Variants in OCM observed in about 807,000 individuals in gnomAD.
OCM encodes the protein oncomodulin-1.
A neutral mutation model predicts 14.1 loss-of-function variants in OCM; 18 were observed. That is an observed-to-expected ratio of 1.28 (90% CI 0.88 to 1.89). The LOEUF is 1.89. Ranked by LOEUF, OCM falls within the 40% of genes most tolerant of loss-of-function variation. The pLI is 0.00. For synonymous variants in OCM, 48 were observed against 51.0 expected (o/e 0.94, Z 0.25); for missense variants, 140 against 137.6 (o/e 1.02, Z -0.09).
intron 3 of OCM, 61 bp from the exon 4 acceptor site, chr7:5,886,003 G>C (rs370786923): frequency 1.2e-6 from 2 of 1,611,988 alleles, no homozygotes; most frequent in South Asian, 2.2e-5. Context: ...CATTGGCCAC[G>C]GCACGTCTGT....
At chr7:5,863,281 T>C in the OCM span, among the ~76,000 whole-genome samples, 3 of 152,096 alleles carry the variant, frequency 2.0e-5, no homozygotes, top group African/African-American at 7.2e-5. Flanking sequence ...TCACAGATGC[T>C]CCTGTGGCTG....
In OCM at chr7:5,883,913, G is replaced by A. The variant is rs527611462; in HGVS notation, c.218G>A (p.Ser73Asn). 1 of 1,612,780 alleles carries A rather than the reference G, an allele frequency of 6.2e-7. No homozygotes were observed. The highest frequency in any genetic ancestry group is 1.3e-5 in the African/African-American group (1 of 74,992). Residue 73 changes from serine (S) to asparagine (N), a missense_variant, in exon 3 of 4, where the codon AGT becomes AAT. Ser to Asn is a conservative substitution (Grantham distance 46). Transcript: ENST00000242104. ...ELKFFLQKFE[S>N]GARELTESET... ...AGGTTTTTCCTCCAGAAGTTTGAGA[G>A]TGGTGCCAGAGAACTGACCGAGTCA...
At chr7:5,860,584 A>G in the OCM span, among the ~76,000 whole-genome samples, 1 of 76,506 alleles carries the variant, frequency 1.3e-5, no homozygotes, top group African/African-American at 5.9e-5. Context: ...TATATTACGT[A>G]TATATACGTG....
the OCM span, among the ~76,000 whole-genome samples, chr7:5,871,180 C>A: frequency 2.2e-3 from 334 of 151,612 alleles, 1 homozygote; most frequent in African/African-American, 6.1e-3. Flanking sequence ...GAGCCCCCCC[C>A]CCGTCTCTAC....
At chr7:5,868,048 T>C in the OCM span, among the ~76,000 whole-genome samples, 2 of 151,862 alleles carry the variant, frequency 1.3e-5, no homozygotes, top group Non-Finnish European at 2.9e-5. Flanking sequence ...TCTTTTCCAT[T>C]GCTATGTTTT....
chr7:5,881,414 G>A (rs1417841580), intron 1 of OCM, among the ~76,000 whole-genome samples: 1 of 151,628 alleles, frequency 6.6e-6, no homozygotes, highest in Non-Finnish European at 1.5e-5. Context: ...TTGAGCCCAG[G>A]AGTTTGAGAC....
rs60321561 is a variant in OCM at position 5,882,085 on chromosome 7, CAAAAAAAAAAAAAAAA to C, written c.62-389_62-374del. Reference sequence around the variant, plus strand: ...CTGGTGACAGAGTGAGACTCTGTCTCAAAAAAAAAAAAAAAAAAAAAAAAAAAAAAAAAAGCGCCAA... The same window carrying C: ...CTGGTGACAGAGTGAGACTCTGTCTCAAAAAAAAAAAAAAAAAAGCGCCAA... On this transcript the variant is annotated intron_variant, in intron 1 of 3. Transcript: ENST00000242104. Among the ~76,000 whole-genome samples, 4 of 45,970 alleles carry C rather than the reference CAAAAAAAAAAAAAAAA, an allele frequency of 8.7e-5. No homozygotes were observed. The East Asian group carries it at 4.0e-3, about 46-fold the overall frequency. The allele number at this position is 45,970 out of a possible 152,430, so 30.2% of individuals were successfully genotyped here. A position where few individuals can be genotyped will look rare whatever the true frequency, so the allele number is the denominator to read the frequency against.
upstream of OCM, among the ~76,000 whole-genome samples, chr7:5,876,276 T>C (rs1781094324): frequency 6.6e-6 from 1 of 152,168 alleles, no homozygotes; most frequent in African/African-American, 2.4e-5. Context: ...AGTGCTGGGA[T>C]TACAGGCGTG....
chr7:5,879,553 C>T (rs1458460704), upstream of OCM, among the ~76,000 whole-genome samples: 2 of 152,148 alleles, frequency 1.3e-5, no homozygotes, highest in Non-Finnish European at 2.9e-5. Flanking sequence ...GCCTTTTCAG[C>T]TTACAGAGCA....
At chr7:5,860,555 GTATA>G in the OCM span, among the ~76,000 whole-genome samples, 7 of 98,410 alleles carry the variant, frequency 7.1e-5, 1 homozygote, top group Non-Finnish European at 1.4e-4. Flanking sequence ...ATATATACGT[GTATA>G]TATACGTGTG....
At chr7:5,868,263 C>T in the OCM span, among the ~76,000 whole-genome samples, 1 of 152,110 alleles carries the variant, frequency 6.6e-6, no homozygotes, top group Admixed American at 6.5e-5. Context: ...TCTCCTGCCT[C>T]AACCTCCTGA....
the OCM span, among the ~76,000 whole-genome samples, chr7:5,870,980 G>A: frequency 3.3e-5 from 5 of 151,716 alleles, no homozygotes; most frequent in African/African-American, 7.3e-5. Flanking sequence ...TCCACCTTCC[G>A]GGTTCAAGTG....
At chr7:5,880,721 T>C (rs189329515), upstream of OCM, 708 of 598,662 alleles carry the variant, frequency 1.2e-3, 12 homozygotes, top group East Asian at 0.02. Flanking sequence ...ATCACGCTCT[T>C]GCACTCCAGC....
chr7:5,878,167 G>T (rs1022368364), upstream of OCM, among the ~76,000 whole-genome samples: 2 of 151,232 alleles, frequency 1.3e-5, no homozygotes, highest in African/African-American at 2.4e-5. Context: ...TTTTCACCAC[G>T]TTGGTCAGGC....
rs149675481 is a variant in OCM at position 5,882,928 on chromosome 7, C to T, written c.194+303C>T. 3.6e-3 allele frequency among the ~76,000 whole-genome samples: 550 copies of T among 151,338 alleles called. 2 individuals are homozygous for T. The highest frequency in any genetic ancestry group is 5.2e-3 in the Non-Finnish European group (356 of 67,874). ...GGTGATCTCAGCTCCCTGCAGCCTC[C>T]GCCTTCCAAATTCAAGTGATTCTCA... On this transcript the variant is annotated intron_variant, in intron 2 of 3. Transcript: ENST00000242104.
the OCM span, among the ~76,000 whole-genome samples, chr7:5,874,250 A>T: frequency 1.3e-5 from 2 of 150,328 alleles, no homozygotes; most frequent in African/African-American, 4.9e-5. Context: ...AAAAAAAAAA[A>T]AAAGATCTAT....
upstream of OCM, among the ~76,000 whole-genome samples, chr7:5,877,215 G>A (rs62457664): frequency 0.35 from 52,601 of 151,880 alleles, 9,487 homozygotes; most frequent in Middle Eastern, 0.47. Flanking sequence ...CTTAATCCCA[G>A]CACTTTGGGA....
chr7:5,861,462 G>C, the OCM span, among the ~76,000 whole-genome samples: 1 of 151,912 alleles, frequency 6.6e-6, no homozygotes, highest in Non-Finnish European at 1.5e-5. Flanking sequence ...GAGGAAGTTG[G>C]AATAGAACCA....
intron 3 of OCM, among the ~76,000 whole-genome samples, chr7:5,884,986 G>T (rs925610202): frequency 6.6e-6 from 1 of 152,008 alleles, no homozygotes; most frequent in Non-Finnish European, 1.5e-5. Flanking sequence ...CGGTCATGGT[G>T]GTGGGCACCT....
Sources: gnomAD v4.1 joint callset for allele counts (sites outside exome capture counted in the v4.1 genomes callset) on GRCh38, gnomAD v4.1.1 for gene constraint, MANE v1.5 for transcripts, NCBI Gene and HGNC (gene_info 2026-07-23, HGNC 2026-07-21) for gene names.